Variants in PARD3B observed in about 807,000 individuals in gnomAD.
PARD3B encodes par-3 family cell polarity regulator beta, also known as partitioning defective 3 homolog B.
Under a neutral mutation model 130.2 loss-of-function variants are expected in PARD3B, and 103 were observed. The observed-to-expected ratio is 0.79, with a 90% CI of 0.67 to 0.93. The LOEUF is 0.93. PARD3B is among the 40% of genes least tolerant of loss of function. The probability of loss-of-function intolerance (pLI) is 0.00; values close to 1 mark genes in which losing one functional copy is unlikely to be tolerated. For synonymous variants in PARD3B, 583 were observed against 553.2 expected, an observed-to-expected ratio of 1.05 and a Z score of -0.76; for missense variants, 1,609 against 1,499.2, an observed-to-expected ratio of 1.07 and a Z score of -1.21.
chr2:205,611,689 A>G (rs1575485293), intron 22 of PARD3B, among the ~76,000 whole-genome samples: 3 of 152,334 alleles, frequency 2.0e-5, no homozygotes, highest in African/African-American at 7.2e-5. Flanking sequence ...TAATTTCAAA[A>G]TATAGGTATT....
chr2:204,654,200 G>A (rs1284708547), intron 1 of PARD3B, among the ~76,000 whole-genome samples: 1 of 151,186 alleles, frequency 6.6e-6, no homozygotes, highest in Non-Finnish European at 1.5e-5. Context: ...TGGTGAGTGT[G>A]CCTGTGTTCA....
At chr2:205,395,874 ACT>A (rs1286741155) in intron 18 of PARD3B, among the ~76,000 whole-genome samples, 2 of 151,932 alleles carry the variant, frequency 1.3e-5, no homozygotes, top group African/African-American at 4.8e-5. Context: ...TCCTCCACTA[ACT>A]CTGTCTCCTA....
At chr2:205,002,908 T>G (rs1694960129) in intron 3 of PARD3B, among the ~76,000 whole-genome samples, 1 of 152,196 alleles carries the variant, frequency 6.6e-6, no homozygotes, top group South Asian at 2.1e-4. Context: ...ACTCCTCCCA[T>G]GTGCTGGGTG....
chr2:205,253,308 C>T lies in PARD3B; in HGVS notation c.2185+7486C>T, dbSNP rs1351613961. 1.8e-5 allele frequency: 9 copies of T among 511,074 alleles called. No homozygotes were observed. Among genetic ancestry groups the T allele is most frequent in the South Asian group, 5.9e-5 (4 of 67,304 alleles). The allele number at this position is 511,074 out of a possible 1,614,324, so 31.7% of individuals were successfully genotyped here. ...AATGTATTAACACAAAGGCTCTGGC[C>T]GCCCCCCTACAAAGGAGGCCATGGA... On this transcript the variant is annotated intron_variant, in intron 16 of 22. Transcript: ENST00000406610. The surrounding 1 kb of genome is among the most constrained non-coding windows in gnomAD (Gnocchi z 4.4).
chr2:204,833,184 A>G (rs538903170), intron 2 of PARD3B, among the ~76,000 whole-genome samples: 31 of 152,322 alleles, frequency 2.0e-4, no homozygotes, highest in African/African-American at 7.5e-4. Context: ...ACACCACACT[A>G]TAGATAAATC....
intron 22 of PARD3B, among the ~76,000 whole-genome samples, chr2:205,581,138 G>A (rs968488816): frequency 3.3e-5 from 5 of 151,182 alleles, no homozygotes; most frequent in African/African-American, 1.2e-4. Flanking sequence ...GCCCTCCCAC[G>A]TTTATTCCAG....
chr2:205,577,315 A>G (rs1053607635), intron 22 of PARD3B, among the ~76,000 whole-genome samples: 18 of 152,064 alleles, frequency 1.2e-4, no homozygotes, highest in African/African-American at 4.3e-4. Flanking sequence ...TGCATTAACT[A>G]GGACTTGAGT....
chr2:205,471,535 G>A (rs1266066176), intron 20 of PARD3B, among the ~76,000 whole-genome samples: 2 of 151,326 alleles, frequency 1.3e-5, no homozygotes, highest in Non-Finnish European at 2.9e-5. Context: ...CTAATTTCTT[G>A]TACTTTTAGT....
chr2:205,298,507 T>G lies in PARD3B; in HGVS notation c.2186-2023T>G, dbSNP rs902434722. ...CTGAAATTTTTTGTATTTTTTTTTT[T>G]GCTTAGTCTTATCTCTGTTGCATTT... On this transcript the variant is annotated intron_variant, in intron 16 of 22. Transcript: ENST00000406610. 6.9e-5 allele frequency among the ~76,000 whole-genome samples: 10 copies of G among 143,918 alleles called. No homozygotes were observed. In the East Asian group the frequency reaches 1.4e-3, roughly 20 times the overall value. 94.4% of individuals were successfully genotyped at this position (143,918 alleles called of 152,430 possible). A position where few individuals can be genotyped will look rare whatever the true frequency, so the allele number is the denominator to read the frequency against.
rs569123041 is a variant in PARD3B at position 204,886,825 on chromosome 2, T to G, written c.223-78327T>G. On this transcript the variant is annotated intron_variant, in intron 2 of 22. Transcript: ENST00000406610. ...AGAACCAATCTGGAGATGAGGACAC[T>G]TAAAAGTTCTTGTCTTCTGAGGGAT... 3.3e-5 allele frequency among the ~76,000 whole-genome samples: 5 copies of G among 152,306 alleles called. No individual in the cohort carries two copies. In the South Asian group the frequency reaches 1.0e-3, roughly 32 times the overall value.
intron 2 of PARD3B, among the ~76,000 whole-genome samples, chr2:204,748,997 C>G (rs1003704244): frequency 8.6e-5 from 13 of 151,984 alleles, no homozygotes; most frequent in African/African-American, 1.9e-4. Context: ...GAGCCAACCC[C>G]CTTTTCGTTA....
intron 20 of PARD3B, among the ~76,000 whole-genome samples, chr2:205,485,535 C>G (rs2049404169): frequency 6.6e-6 from 1 of 152,164 alleles, no homozygotes; most frequent in Non-Finnish European, 1.5e-5. Context: ...CTAGTTCCTT[C>G]CATAGGTTGT....
rs2053263183 is a variant in PARD3B at position 205,564,820 on chromosome 2, T to A, written c.3260+11417T>A. On this transcript the variant is annotated intron_variant, in intron 22 of 22. Coordinates refer to ENST00000406610, the MANE Select transcript of PARD3B (RefSeq NM_001302769.2). The surrounding 1 kb of genome is among the most constrained non-coding windows in gnomAD (Gnocchi z 4.6). ...AAGGCAAACATTTGTGGTACAAATG[T>A]GAGAGGGGTTGGTACAAAAACAGCA... Among the ~76,000 whole-genome samples the A allele has an allele frequency of 6.6e-6, 1 of 152,150 alleles. No homozygotes were observed. Among genetic ancestry groups the A allele is most frequent in the Non-Finnish European group, 1.5e-5 (1 of 68,022 alleles).
intron 3 of PARD3B, among the ~76,000 whole-genome samples, chr2:205,027,633 T>C (rs1407571247): frequency 6.6e-6 from 1 of 152,148 alleles, no homozygotes; most frequent in East Asian, 1.9e-4. Context: ...CCAAATATCA[T>C]TGCCAAGATC....
chr2:205,049,999 T>C (rs923895090), intron 4 of PARD3B, among the ~76,000 whole-genome samples: 6 of 152,056 alleles, frequency 3.9e-5, no homozygotes, highest in African/African-American at 1.2e-4. Flanking sequence ...TCTCCATGAA[T>C]ACTTTAAGCT....
At chr2:204,914,859 C>T (rs753966755) in intron 2 of PARD3B, among the ~76,000 whole-genome samples, 6 of 152,178 alleles carry the variant, frequency 3.9e-5, no homozygotes, top group Non-Finnish European at 5.9e-5. Context: ...GTAGAGAAGC[C>T]TCCAAGCTCC....
rs748625215 is a variant in PARD3B at position 205,047,574 on chromosome 2, C to T, written c.395-7C>T. ...TTTGACCTCTCACCTCTCACTTTGTCTTCCAGGCACTCCACTGCTGGTGAG... is the reference window on the plus strand; with the variant it reads ...TTTGACCTCTCACCTCTCACTTTGTTTTCCAGGCACTCCACTGCTGGTGAG... On this transcript the variant is annotated splice_region_variant and splice_polypyrimidine_tract_variant and intron_variant, in intron 3 of 22. Transcript: ENST00000406610. The T allele has an allele frequency of 1.7e-5, 27 of 1,543,652 alleles. No individual in the cohort carries two copies. The East Asian group carries it at 4.4e-4, about 25-fold the overall frequency.
chr2:204,999,191 C>T (rs530028107), intron 3 of PARD3B, among the ~76,000 whole-genome samples: 2 of 151,704 alleles, frequency 1.3e-5, no homozygotes, highest in South Asian at 4.2e-4. Flanking sequence ...GAACTGCAAA[C>T]TTCTTTTCAA....
chr2:204,574,689 C>A (rs1382595273), intron 1 of PARD3B, among the ~76,000 whole-genome samples: 1 of 152,156 alleles, frequency 6.6e-6, no homozygotes, highest in African/African-American at 2.4e-5. Context: ...TGCTGTGGAA[C>A]GCTAAATGAG....
Sources: allele counts gnomAD v4.1 joint callset (sites outside exome capture counted in the v4.1 genomes callset), GRCh38; gene constraint gnomAD v4.1.1; non-coding constraint Gnocchi (gnomAD v3.1); transcripts MANE v1.5; gene names NCBI Gene and HGNC (gene_info 2026-07-23, HGNC 2026-07-21).